UPK1B: variants seen among roughly 807,000 people sequenced by gnomAD.
The protein encoded by UPK1B is uroplakin-1b.
Under a neutral mutation model 34.2 loss-of-function variants are expected in UPK1B, and 28 were observed. The observed-to-expected ratio is 0.82, with a 90% CI of 0.61 to 1.12. The LOEUF is 1.12. UPK1B is among the 50% of genes most tolerant of loss of function. The pLI, the probability that UPK1B is intolerant of heterozygous loss-of-function variation, is 0.00. For synonymous variants in UPK1B, 81 were observed against 110.4 expected (o/e 0.73, Z 1.67); for missense variants, 325 against 320.9 (o/e 1.01, Z -0.10).
At chr3:119,177,229 T>C (rs979172684) in intron 1 of UPK1B, among the ~76,000 whole-genome samples, 4 of 152,194 alleles carry the variant, frequency 2.6e-5, no homozygotes, top group Non-Finnish European at 5.9e-5. Context: ...GCCAGCTTTG[T>C]TTATGTGGCT....
At position 119,205,061 on chromosome 3, in the gene UPK1B, A is replaced by G. The variant is rs2107440712; in HGVS notation, c.*1094A>G. On this transcript the variant is annotated 3_prime_UTR_variant, in exon 8 of 8. Coordinates refer to ENST00000264234, the MANE Select transcript of UPK1B (RefSeq NM_006952.4). ...TGTCAAAATATTTCTCATCTGCACT[A>G]TGTTTCCATTTGTGGTCCTGAAGGA... The G allele has an allele frequency of 6.6e-6, 1 of 152,288 alleles. No individual in the cohort carries two copies. The highest frequency in any genetic ancestry group is 1.9e-4 in the East Asian group (1 of 5,180). The allele number at this position is 152,288 out of a possible 1,614,324, so 9.4% of individuals were successfully genotyped here. A position where few individuals can be genotyped will look rare whatever the true frequency, so the allele number is the denominator to read the frequency against.
intron 2 of UPK1B, among the ~76,000 whole-genome samples, chr3:119,187,049 G>A (rs916116423): frequency 6.6e-6 from 1 of 152,204 alleles, no homozygotes; most frequent in Non-Finnish European, 1.5e-5. Flanking sequence ...TCTAAAAGGA[G>A]TCATGTCAAC....
At chr3:119,181,684 T>A (rs928504631) in intron 1 of UPK1B, among the ~76,000 whole-genome samples, 1 of 152,236 alleles carries the variant, frequency 6.6e-6, no homozygotes, top group Non-Finnish European at 1.5e-5. Context: ...ACTCATTTAT[T>A]CAAATAAACA....
At chr3:119,179,527 T>TTTTTTTTTTTTTTGG in intron 1 of UPK1B, among the ~76,000 whole-genome samples, 1 of 131,568 alleles carries the variant, frequency 7.6e-6, no homozygotes, top group African/African-American at 2.8e-5. Flanking sequence ...TTTTTTTTTT[T>TTTTTTTTTTTTTTGG]GAGACGGAGT....
At position 119,187,139 on chromosome 3, in the gene UPK1B, G is replaced by A. The variant is rs541747415; in HGVS notation, c.69+329G>A. Among the ~76,000 whole-genome samples, 4 of 152,202 alleles carry A rather than the reference G, an allele frequency of 2.6e-5. No homozygotes were observed. The South Asian group carries it at 8.3e-4, about 32-fold the overall frequency. ...ATGTCACCTTGGTTTGATTTCCATGGGACTCTGCTGTTAAGGTTTTTTGGG... is the reference window on the plus strand; with the variant it reads ...ATGTCACCTTGGTTTGATTTCCATGAGACTCTGCTGTTAAGGTTTTTTGGG... On this transcript the variant is annotated intron_variant, in intron 2 of 7. Coordinates refer to ENST00000264234, the MANE Select transcript of UPK1B (RefSeq NM_006952.4).
chr3:119,201,320 A>G (rs2078089471), intron 7 of UPK1B, among the ~76,000 whole-genome samples: 1 of 152,226 alleles, frequency 6.6e-6, no homozygotes, highest in Non-Finnish European at 1.5e-5. Flanking sequence ...AAAACTGCAT[A>G]ATTTATAAAG....
At position 119,204,018 on chromosome 3, in the gene UPK1B, TGCTGGAACCA is replaced by T. The variant is rs2078107616; in HGVS notation, c.*55_*64del. The T allele has an allele frequency of 6.3e-7, 1 of 1,595,788 alleles. No individual in the cohort carries two copies. The highest frequency in any genetic ancestry group is 1.3e-5 in the African/African-American group (1 of 74,706). On this transcript the variant is annotated 3_prime_UTR_variant, in exon 8 of 8. Coordinates refer to ENST00000264234, the MANE Select transcript of UPK1B (RefSeq NM_006952.4). ...CTTCCCCGAGTGACTCTGGATTTGGTGCTGGAACCAGCTCTCTCCTAATATTCCACGTTTG... is the reference window on the plus strand; with the variant it reads ...CTTCCCCGAGTGACTCTGGATTTGGTGCTCTCTCCTAATATTCCACGTTTG...
At chr3:119,178,596 A>G (rs1394496181) in intron 1 of UPK1B, among the ~76,000 whole-genome samples, 1 of 152,240 alleles carries the variant, frequency 6.6e-6, no homozygotes, top group East Asian at 1.9e-4. Flanking sequence ...TAAGTAGATC[A>G]TTTTGGCCTA....
intron 1 of UPK1B, among the ~76,000 whole-genome samples, chr3:119,182,826 T>C (rs2077995305): frequency 6.6e-6 from 1 of 152,186 alleles, no homozygotes. Context: ...TGCTAACCTC[T>C]CATTGACTTG....
At chr3:119,181,972 C>A (rs2077991780) in intron 1 of UPK1B, among the ~76,000 whole-genome samples, 1 of 152,228 alleles carries the variant, frequency 6.6e-6, no homozygotes, top group South Asian at 2.1e-4. Flanking sequence ...GGGGCCATCT[C>A]TGCATCAACT....
rs766749512 is a variant in UPK1B at position 119,179,540 on chromosome 3, C to G, written c.-29+5902C>G. ...TTTTTTTTTTTTTGAGACGGAGTCT[C>G]GCTCTGTCGCCCAGGCTGGAGTTCA... On this transcript the variant is annotated intron_variant, in intron 1 of 7. Coordinates refer to ENST00000264234, the MANE Select transcript of UPK1B (RefSeq NM_006952.4). Among the ~76,000 whole-genome samples, 205 of 46,310 alleles carry G rather than the reference C, an allele frequency of 4.4e-3. 2 individuals carry two copies. The highest frequency in any genetic ancestry group is 6.3e-3 in the Non-Finnish European group (144 of 23,002). The allele number at this position is 46,310 out of a possible 152,430, so 30.4% of individuals were successfully genotyped here. A position where few individuals can be genotyped will look rare whatever the true frequency, so the allele number is the denominator to read the frequency against.
rs893258624 is a variant in UPK1B, at chr3:119,204,263, C to A, written c.*296C>A. 2 of 361,296 alleles carry A rather than the reference C, an allele frequency of 5.5e-6. No homozygotes were observed. The highest frequency in any genetic ancestry group is 1.0e-5 in the Non-Finnish European group (2 of 199,060). The allele number at this position is 361,296 out of a possible 1,614,324, so 22.4% of individuals were successfully genotyped here. A position where few individuals can be genotyped will look rare whatever the true frequency, so the allele number is the denominator to read the frequency against. ...TATTTTTAATTTGGGAAAATAAATA[C>A]ATTCGAAGGAACCTGTGTTATCACA... On this transcript the variant is annotated 3_prime_UTR_variant, in exon 8 of 8. Transcript: ENST00000264234.
At chr3:119,189,817 T>C (rs2078036050) in intron 3 of UPK1B, among the ~76,000 whole-genome samples, 1 of 152,228 alleles carries the variant, frequency 6.6e-6, no homozygotes, top group African/African-American at 2.4e-5. Flanking sequence ...AATTCCAAAA[T>C]TAAAGGGGAT....
chr3:119,179,368 T>TATAG (rs1428127511), intron 1 of UPK1B, among the ~76,000 whole-genome samples: 19 of 56,358 alleles, frequency 3.4e-4, no homozygotes, highest in East Asian at 1.8e-3. Flanking sequence ...TATATATATA[T>TATAG]ATATATATAT....
chr3:119,176,912 C>A (rs2077959570), intron 1 of UPK1B, among the ~76,000 whole-genome samples: 1 of 152,166 alleles, frequency 6.6e-6, no homozygotes. Flanking sequence ...GTCAGTATAG[C>A]CAGAGAGACA....
chr3:119,195,988 C>T (rs2078065744), intron 6 of UPK1B, among the ~76,000 whole-genome samples: 1 of 123,090 alleles, frequency 8.1e-6, no homozygotes. Context: ...CTAACAATTC[C>T]ACCTCCACTA....
intron 5 of UPK1B, among the ~76,000 whole-genome samples, chr3:119,191,391 A>C (rs1323450711): frequency 6.6e-6 from 1 of 152,138 alleles, no homozygotes; most frequent in Non-Finnish European, 1.5e-5. Context: ...CCTGTGAGCT[A>C]GTCTTGCCAA....
rs1247872283 is a variant in UPK1B at position 119,190,463 on chromosome 3, A to C, written c.345+144A>C. On this transcript the variant is annotated intron_variant, in intron 4 of 7. Coordinates refer to ENST00000264234, the MANE Select transcript of UPK1B (RefSeq NM_006952.4). ...CATTTTACTTAATCCTCATAAATCT[A>C]TGAAATAGGCATTATCACTCTGGTC... is the stretch of plus-strand genomic sequence containing the variant. 7.3e-6 allele frequency: 4 copies of C among 550,160 alleles called. No individual in the cohort carries two copies. The Admixed American group carries it at 9.7e-5, about 13-fold the overall frequency. The allele number at this position is 550,160 out of a possible 1,614,324, so 34.1% of individuals were successfully genotyped here.
In UPK1B at chr3:119,199,044, C is replaced by A; in HGVS notation, c.649-13C>A. 6.2e-7 allele frequency: 1 copy of A among 1,613,912 alleles called. No individual in the cohort carries two copies. The highest frequency in any genetic ancestry group is 8.5e-7 in the Non-Finnish European group (1 of 1,179,894). ...TTCTTCTCACACTAATGTGGAATTG[C>A]CCACTCCTTCAGGGCTGCTATGAAC... On this transcript the variant is annotated splice_polypyrimidine_tract_variant and intron_variant, in intron 6 of 7. Transcript: ENST00000264234.
Sources: gnomAD v4.1 joint callset for allele counts (sites outside exome capture counted in the v4.1 genomes callset) on GRCh38, gnomAD v4.1.1 for gene constraint, MANE v1.5 for transcripts, NCBI Gene and HGNC (gene_info 2026-07-23, HGNC 2026-07-21) for gene names.